SPTA1: variants seen among roughly 807,000 people sequenced by gnomAD.
The protein encoded by SPTA1 is spectrin alpha, erythrocytic 1.
In SPTA1, 177 loss-of-function variants were observed where a neutral mutation model predicts 324.7. That is an observed-to-expected ratio of 0.55 (90% confidence interval 0.48 to 0.62). The LOEUF is 0.62. Ranked by LOEUF, SPTA1 falls within the 20% of genes least tolerant of loss-of-function variation. SPTA1 has a pLI of 0.00. For missense variants in SPTA1, 3,162 were observed against 2,883.6 expected (o/e 1.10, Z -2.21); for synonymous variants, 1,195 against 1,041.3 (o/e 1.15, Z -2.84).
chr1:158,644,439 G>T (rs1308723782), intron 29 of SPTA1, 43 bp from the exon 30 acceptor site: 1 of 1,611,996 alleles, frequency 6.2e-7, no homozygotes, highest in Non-Finnish European at 8.5e-7. Flanking sequence ...AGTCCATGTG[G>T]TGTGGAGGAA....
At chr1:158,662,580 G>T in intron 17 of SPTA1, 122 bp downstream of exon 17, 1 of 1,334,850 alleles carries the variant, frequency 7.5e-7, no homozygotes, top group Non-Finnish European at 1.0e-6. Context: ...AAATTTTCAT[G>T]AGTGTGAGAA....
At chr1:158,631,561 TA>T (rs1165750688) in intron 39 of SPTA1, among the ~76,000 whole-genome samples, 1 of 152,056 alleles carries the variant, frequency 6.6e-6, no homozygotes. Flanking sequence ...CTAAAGAACT[TA>T]TCCATATAAC....
At chr1:158,684,738 T>C (rs1221012690) in intron 2 of SPTA1, among the ~76,000 whole-genome samples, 1 of 152,128 alleles carries the variant, frequency 6.6e-6, no homozygotes, top group Non-Finnish European at 1.5e-5. Flanking sequence ...TGCTTCACCA[T>C]GAAAATATGT....
Position 158,662,691 on chromosome 1 carries a change from G to C in SPTA1, c.2464+11C>G, listed in dbSNP as rs202115716. ...TTTCCTAGTGGCTCAGCCTGCTCAGGCTGTACTAACCAAGGTAGGTGGAAG... is the reference window on the plus strand; with the variant it reads ...TTTCCTAGTGGCTCAGCCTGCTCAGCCTGTACTAACCAAGGTAGGTGGAAG... On this transcript the variant is annotated intron_variant, in intron 17 of 51. Coordinates refer to ENST00000643759, the MANE Select transcript of SPTA1 (RefSeq NM_003126.4). 1.7e-5 allele frequency: 27 copies of C among 1,613,582 alleles called. No individual in the cohort carries two copies. The Middle Eastern group carries it at 1.6e-3, about 94-fold the overall frequency.
At chr1:158,626,408 C>T (rs542021565) in intron 41 of SPTA1, among the ~76,000 whole-genome samples, 186 bp from the exon 42 acceptor site, 62 of 151,500 alleles carry the variant, frequency 4.1e-4, no homozygotes, top group East Asian at 5.8e-4. Context: ...TAAAACTTAA[C>T]GAAACAGAGC....
In SPTA1 at chr1:158,662,395, T is replaced by C. The variant is rs148331215; in HGVS notation, c.2464+307A>G. 3.9e-5 allele frequency among the ~76,000 whole-genome samples: 6 copies of C among 152,286 alleles called. No homozygotes were observed. The East Asian group carries it at 1.2e-3, about 29-fold the overall frequency. ...ACAGCCTAAACACAAACACTTAGTA[T>C]CTCAGGCATTAACCATGACTGTTCA... On this transcript the variant is annotated intron_variant, in intron 17 of 51. Transcript: ENST00000643759.
intron 3 of SPTA1, among the ~76,000 whole-genome samples, chr1:158,682,310 T>C (rs1306865850): frequency 6.6e-6 from 1 of 152,206 alleles, no homozygotes; most frequent in East Asian, 1.9e-4. Flanking sequence ...CTGGGTAGCA[T>C]GTGGACCACA....
rs1423002928 is a variant in SPTA1 at position 158,619,096 on chromosome 1, A to G, written c.6530+126T>C. The G allele has an allele frequency of 3.2e-6, 3 of 923,656 alleles. No homozygotes were observed. The African/African-American group carries it at 4.9e-5, about 15-fold the overall frequency. The allele number at this position is 923,656 out of a possible 1,614,324, so 57.2% of individuals were successfully genotyped here. A position where few individuals can be genotyped will look rare whatever the true frequency, so the allele number is the denominator to read the frequency against. On this transcript the variant is annotated intron_variant, in intron 45 of 51. Transcript: ENST00000643759. ...ACTCCAAATATAAAGCATAGGCAAG[A>G]TATGGGGATTTTAGGGCAGAATACA...
At chr1:158,658,710 T>C (rs1652999162) in intron 18 of SPTA1, among the ~76,000 whole-genome samples, 1 of 152,032 alleles carries the variant, frequency 6.6e-6, no homozygotes, top group Non-Finnish European at 1.5e-5. Context: ...AGTTGTTTAA[T>C]ACCAGTGATA....
rs1652575654 is a variant in SPTA1, at chr1:158,653,144, T to C, written c.3188+130A>G. 2.1e-6 allele frequency: 3 copies of C among 1,428,124 alleles called. No homozygotes were observed. In the Admixed American group the frequency reaches 5.2e-5, roughly 25 times the overall value. 88.5% of individuals were successfully genotyped at this position (1,428,124 alleles called of 1,614,324 possible). A position where few individuals can be genotyped will look rare whatever the true frequency, so the allele number is the denominator to read the frequency against. ...ACATTTAAAAGATTCTAGGTTTACTTTCGATTCTTAAAATCTTCAGATTTT... is the reference window on the plus strand; with the variant it reads ...ACATTTAAAAGATTCTAGGTTTACTCTCGATTCTTAAAATCTTCAGATTTT... On this transcript the variant is annotated intron_variant, in intron 22 of 51. Transcript: ENST00000643759.
Position 158,620,198 on chromosome 1 carries a change from G to T in SPTA1, c.6389C>A (p.Thr2130Asn). The change falls in exon 44 of 52, where the codon ACC becomes AAC. Residue 2130 changes from threonine (T) to asparagine (N), a missense_variant. Physicochemically the swap from Thr to Asn is moderately conservative, Grantham distance 65. Coordinates refer to ENST00000643759, the MANE Select transcript of SPTA1 (RefSeq NM_003126.4). ...AATGATGTCAGATAGGTGCTTCCAG[G>T]TCCTTTCCAGCACCTCCACTGTTAA... ...TWLTVEVLERTWKHLSDIIEE... is the reference protein window; with the variant it reads ...TWLTVEVLERNWKHLSDIIEE... The T allele has an allele frequency of 6.2e-7, 1 of 1,614,074 alleles. No homozygotes were observed. Among genetic ancestry groups the T allele is most frequent in the South Asian group, 1.1e-5 (1 of 91,078 alleles).
rs372075053 is a variant in SPTA1, at chr1:158,620,352, G to A, written c.6235C>T (p.Arg2079Trp). 115 of 1,614,050 alleles carry A rather than the reference G, an allele frequency of 7.1e-5. 1 individual carries two copies. The Admixed American group carries it at 7.8e-4, about 11-fold the overall frequency. The change falls in exon 44 of 52, where the codon CGG (arginine) becomes TGG (tryptophan). Residue 2079 changes from arginine (R) to tryptophan (W), a missense_variant. By Grantham distance (101) the Arg-to-Trp change is moderately radical. Coordinates refer to ENST00000643759, the MANE Select transcript of SPTA1 (RefSeq NM_003126.4). ...PVHCVSLNEI[R>W]QLQKDHEDFL... ...TCCTCATGGTCTTTCTGCAGCTGCC[G>A]AATTTCATTCAGGGAGACACAGTGC...
At position 158,685,194 on chromosome 1, in the gene SPTA1, G is replaced by A. The variant is rs373695294; in HGVS notation, c.178C>T (p.Arg60Ter). The A allele has an allele frequency of 6.8e-6, 11 of 1,613,404 alleles. No individual in the cohort carries two copies. The highest frequency in any genetic ancestry group is 2.2e-5 in the East Asian group (1 of 44,866). Residue 60 changes from arginine to a stop codon, truncating the protein, a stop_gained, in exon 2 of 52, where the codon CGA (arginine) becomes TGA (stop). Transcript: ENST00000643759. LOFTEE classifies it high-confidence loss of function. The stretch of plus-strand genomic sequence containing the variant: ...CACTTCCCCAGATCATCTGCATCTC[G>A]CTTGAAAACTTGTAAGTGATAGGAA... ...EDSYHLQVFK[R>*]DADDLGKWIM...
At chr1:158,669,209 G>A (rs944985419) in intron 14 of SPTA1, among the ~76,000 whole-genome samples, 199 bp downstream of exon 14, 26 of 152,192 alleles carry the variant, frequency 1.7e-4, no homozygotes, top group Admixed American at 9.2e-4. Context: ...CAGAATATAG[G>A]AAAACCAAAA....
intron 32 of SPTA1, 61 bp downstream of exon 32, chr1:158,642,753 G>A (rs1571429854): frequency 1.1e-5 from 17 of 1,611,752 alleles, no homozygotes; most frequent in Non-Finnish European, 1.4e-5. Flanking sequence ...CAAGGGTGAT[G>A]ACTATCCAAC....
chr1:158,678,044 C>T (rs1274521631), intron 6 of SPTA1, among the ~76,000 whole-genome samples: 1 of 152,092 alleles, frequency 6.6e-6, no homozygotes, highest in Non-Finnish European at 1.5e-5. Context: ...GACAGCTGAG[C>T]CTCTAGAGAT....
intron 26 of SPTA1, 70 bp from the exon 27 acceptor site, chr1:158,647,790 G>T (rs1382672341): frequency 6.4e-7 from 1 of 1,554,954 alleles, no homozygotes; most frequent in Non-Finnish European, 8.8e-7. Flanking sequence ...GGAGAATCCT[G>T]AGTCCCAGTA....
In SPTA1 at chr1:158,684,134, G is replaced by A. The variant is rs546137947; in HGVS notation, c.265-638C>T. 2.0e-5 allele frequency among the ~76,000 whole-genome samples: 3 copies of A among 151,278 alleles called. No individual in the cohort carries two copies. The East Asian group carries it at 5.8e-4, about 29-fold the overall frequency. ...TCTGGTTAACTCATCTCTCTGAGAAGAGTAGAGAACAGGTATCACATGCTA... is the reference window on the plus strand; with the variant it reads ...TCTGGTTAACTCATCTCTCTGAGAAAAGTAGAGAACAGGTATCACATGCTA... On this transcript the variant is annotated intron_variant, in intron 2 of 51. Coordinates refer to ENST00000643759, the MANE Select transcript of SPTA1 (RefSeq NM_003126.4).
intron 5 of SPTA1, among the ~76,000 whole-genome samples, chr1:158,679,294 T>C (rs1299832169): frequency 6.6e-6 from 1 of 152,140 alleles, no homozygotes; most frequent in Non-Finnish European, 1.5e-5. Flanking sequence ...GAATATAACC[T>C]AGCTGTGTTG....
Sources: gnomAD v4.1 joint callset for allele counts (sites outside exome capture counted in the v4.1 genomes callset) on GRCh38, gnomAD v4.1.1 for gene constraint, MANE v1.5 for transcripts, NCBI Gene and HGNC (gene_info 2026-07-23, HGNC 2026-07-21) for gene names.